ZCWPW2: variants seen among roughly 807,000 people sequenced by gnomAD.
ZCWPW2 encodes zinc finger CW-type and PWWP domain containing 2.
A neutral mutation model predicts 46.6 loss-of-function variants in ZCWPW2; 45 were observed. That is an observed-to-expected ratio of 0.96 (90% CI 0.76 to 1.24). The LOEUF (loss-of-function observed/expected upper bound fraction) is 1.24, where lower values mean the gene tolerates loss of function less well. ZCWPW2 is among the 50% of genes most tolerant of loss of function. ZCWPW2 has a pLI of 0.00. For missense variants in ZCWPW2, 429 were observed against 403.9 expected (o/e 1.06, Z -0.53); for synonymous variants, 152 against 137.1 (o/e 1.11, Z -0.76).
intron 1 of ZCWPW2, among the ~76,000 whole-genome samples, chr3:28,362,917 T>C (rs1216642328): frequency 1.3e-5 from 2 of 152,162 alleles, no homozygotes; most frequent in East Asian, 3.9e-4. Context: ...TGCAGGAACA[T>C]GGATGGAGCT....
At chr3:28,349,740 G>A (rs1303273976) in intron 1 of ZCWPW2, among the ~76,000 whole-genome samples, 1 of 152,020 alleles carries the variant, frequency 6.6e-6, no homozygotes, top group South Asian at 2.1e-4. Context: ...AATAAACAAG[G>A]AACAATAATT....
chr3:28,423,070 G>C lies in ZCWPW2; in HGVS notation c.332+9670G>C, dbSNP rs140929454. On this transcript the variant is annotated intron_variant, in intron 3 of 9. Transcript: ENST00000383768. ...TGGTTATTCATTTTCTTATTGTAAAGTTTGAAGAGTTCTTTGTATATTTTG... is the reference window on the plus strand; with the variant it reads ...TGGTTATTCATTTTCTTATTGTAAACTTTGAAGAGTTCTTTGTATATTTTG... Among the ~76,000 whole-genome samples, 283 of 152,076 alleles carry C rather than the reference G, an allele frequency of 1.9e-3. 2 individuals carry two copies. Among genetic ancestry groups the C allele is most frequent in the Non-Finnish European group, 3.1e-3 (209 of 67,992 alleles).
rs185754734 is a variant in ZCWPW2 at position 28,417,156 on chromosome 3, A to C, written c.332+3756A>C. On this transcript the variant is annotated intron_variant, in intron 3 of 9. Transcript: ENST00000383768. Reference sequence around the variant, plus strand: ...AAGGGGATATCACTGCTAGCAAGACAAATAAAGAAGAAAAGACAAAGGGGA... The same window carrying C: ...AAGGGGATATCACTGCTAGCAAGACCAATAAAGAAGAAAAGACAAAGGGGA... 2.1e-4 allele frequency among the ~76,000 whole-genome samples: 32 copies of C among 151,902 alleles called. No homozygotes were observed. In the East Asian group the frequency reaches 5.6e-3, roughly 27 times the overall value.
chr3:28,353,649 A>G lies in ZCWPW2; in HGVS notation c.-134+4446A>G, dbSNP rs115174466. Reference sequence around the variant, plus strand: ...TTTGACTTAAAAATGTTTGCATTCAATAGGAATTGTTTGCTGACAGAGGTT... The same window carrying G: ...TTTGACTTAAAAATGTTTGCATTCAGTAGGAATTGTTTGCTGACAGAGGTT... On this transcript the variant is annotated intron_variant, in intron 1 of 9. Transcript: ENST00000383768. 2.7e-3 allele frequency among the ~76,000 whole-genome samples: 419 copies of G among 152,380 alleles called. 1 individual carries two copies. Among genetic ancestry groups the G allele is most frequent in the African/African-American group, 8.5e-3 (353 of 41,600 alleles).
At chr3:28,424,726 G>A (rs1369066296) in intron 3 of ZCWPW2, among the ~76,000 whole-genome samples, 4 of 152,190 alleles carry the variant, frequency 2.6e-5, no homozygotes, top group African/African-American at 7.2e-5. Context: ...GTCTTTGCAC[G>A]TATGGGAAAT....
chr3:28,400,618 G>C (rs1285138876), intron 2 of ZCWPW2, among the ~76,000 whole-genome samples: 1 of 152,132 alleles, frequency 6.6e-6, no homozygotes, highest in African/African-American at 2.4e-5. Flanking sequence ...AAGCTAGAAG[G>C]GACTGGGGCC....
intron 2 of ZCWPW2, among the ~76,000 whole-genome samples, chr3:28,407,126 G>A (rs1368227325): frequency 3.3e-5 from 5 of 152,104 alleles, no homozygotes; most frequent in East Asian, 3.9e-4. Flanking sequence ...TGCACCTGGC[G>A]AGTTTCCTCC....
intron 4 of ZCWPW2, among the ~76,000 whole-genome samples, chr3:28,455,306 T>C (rs1698384400): frequency 6.6e-6 from 1 of 152,248 alleles, no homozygotes; most frequent in Non-Finnish European, 1.5e-5. Flanking sequence ...TCTGTTCATG[T>C]ACTTGGCCCA....
At chr3:28,406,669 G>A (rs1395186106) in intron 2 of ZCWPW2, among the ~76,000 whole-genome samples, 1 of 151,948 alleles carries the variant, frequency 6.6e-6, no homozygotes, top group East Asian at 1.9e-4. Flanking sequence ...TAATAAGGTC[G>A]ATTAACCTAA....
At chr3:28,465,490 G>A (rs879469892) in intron 4 of ZCWPW2, among the ~76,000 whole-genome samples, 4 of 152,032 alleles carry the variant, frequency 2.6e-5, no homozygotes, top group South Asian at 2.1e-4. Context: ...AAATAAATGC[G>A]AATTACTTCA....
rs1387426142 is a variant in ZCWPW2, at chr3:28,349,289, C to T, written c.-134+86C>T. On this transcript the variant is annotated intron_variant, in intron 1 of 9. Coordinates refer to ENST00000383768, the MANE Select transcript of ZCWPW2 (RefSeq NM_001040432.4). ...TGGTGCGTCTTTTTCACTCAGTGTC[C>T]TTTTGGGGGGTCCCCGGGCCGTGTG... 1.7e-5 allele frequency: 14 copies of T among 838,048 alleles called. No homozygotes were observed. The Middle Eastern group carries it at 1.8e-3, about 105-fold the overall frequency. 51.9% of individuals were successfully genotyped at this position (838,048 alleles called of 1,614,324 possible).
chr3:28,430,832 T>C (rs1393020664), intron 3 of ZCWPW2, among the ~76,000 whole-genome samples: 1 of 152,138 alleles, frequency 6.6e-6, no homozygotes, highest in Admixed American at 6.5e-5. Context: ...CCTGCTGCCA[T>C]GTGAAGAAGG....
chr3:28,432,505 A>G (rs1270505739), intron 3 of ZCWPW2, among the ~76,000 whole-genome samples: 1 of 152,146 alleles, frequency 6.6e-6, no homozygotes, highest in East Asian at 1.9e-4. Context: ...TACATTCCTT[A>G]ATCATAGCTT....
chr3:28,405,446 C>T (rs754254227), intron 2 of ZCWPW2, among the ~76,000 whole-genome samples: 3 of 152,158 alleles, frequency 2.0e-5, no homozygotes, highest in South Asian at 2.1e-4. Context: ...CCAGAAAAAG[C>T]GTACATTGCT....
chr3:28,383,123 A>G (rs940112623), intron 1 of ZCWPW2, among the ~76,000 whole-genome samples: 4 of 152,146 alleles, frequency 2.6e-5, no homozygotes, highest in African/African-American at 9.6e-5. Flanking sequence ...TTGACTGTCT[A>G]TGTTGCATCC....
At position 28,378,916 on chromosome 3, in the gene ZCWPW2, G is replaced by T. The variant is rs140430196; in HGVS notation, c.-133-11582G>T. 7.9e-5 allele frequency among the ~76,000 whole-genome samples: 12 copies of T among 152,186 alleles called. No individual in the cohort carries two copies. In the East Asian group the frequency reaches 2.3e-3, roughly 29 times the overall value. On this transcript the variant is annotated intron_variant, in intron 1 of 9. Coordinates refer to ENST00000383768, the MANE Select transcript of ZCWPW2 (RefSeq NM_001040432.4). ...TTAAGTGGTATGCAGAGGGAGTGGA[G>T]ATTGCTGAGGCATATAATAGGGATA...
intron 1 of ZCWPW2, among the ~76,000 whole-genome samples, chr3:28,360,972 T>G (rs1012536923): frequency 6.6e-6 from 1 of 152,120 alleles, no homozygotes; most frequent in African/African-American, 2.4e-5. Context: ...CTAACACACA[T>G]AGCCCAAACG....
At chr3:28,384,749 G>C (rs1251162988) in intron 1 of ZCWPW2, among the ~76,000 whole-genome samples, 1 of 151,738 alleles carries the variant, frequency 6.6e-6, no homozygotes, top group East Asian at 1.9e-4. Context: ...AGTAAGCTGG[G>C]ATTACAGGCA....
chr3:28,467,046 A>G (rs1272615135), intron 4 of ZCWPW2, among the ~76,000 whole-genome samples: 3 of 152,236 alleles, frequency 2.0e-5, no homozygotes, highest in African/African-American at 7.2e-5. Flanking sequence ...AGTTAAGGCA[A>G]TATGGTACTA....
Sources: gnomAD v4.1 joint callset for allele counts (sites outside exome capture counted in the v4.1 genomes callset) on GRCh38, gnomAD v4.1.1 for gene constraint, MANE v1.5 for transcripts, NCBI Gene and HGNC (gene_info 2026-07-23, HGNC 2026-07-21) for gene names.